The following MYRIP variants were observed in gnomAD, a reference collection of about 807,000 sequenced individuals.
MYRIP encodes the protein rab effector MyRIP.
Under a neutral mutation model 98.0 loss-of-function variants are expected in MYRIP, and 49 were observed. The observed-to-expected ratio is 0.50, with a 90% CI of 0.40 to 0.63. The LOEUF is 0.63. Among genes scored for constraint, MYRIP ranks in the 30% least tolerant of loss-of-function variants. The pLI is 0.00. For synonymous variants in MYRIP, 404 were observed against 409.5 expected, an observed-to-expected ratio of 0.99 and a Z score of 0.16; for missense variants, 1,004 against 1,058.2, an observed-to-expected ratio of 0.95 and a Z score of 0.71.
At chr3:39,812,647 G>A (rs569308065) in intron 1 of MYRIP, among the ~76,000 whole-genome samples, 32 of 152,224 alleles carry the variant, frequency 2.1e-4, no homozygotes, top group Admixed American at 7.2e-4. Context: ...TAAAAAGGAA[G>A]TATTTTGAAT....
intron 3 of MYRIP, among the ~76,000 whole-genome samples, chr3:40,105,858 G>A (rs747528046): frequency 6.6e-5 from 10 of 152,250 alleles, no homozygotes; most frequent in Non-Finnish European, 1.2e-4. Context: ...ACAGCATAGG[G>A]AAACTGCCCC....
At chr3:40,056,628 T>C (rs992114720) in intron 3 of MYRIP, among the ~76,000 whole-genome samples, 2 of 152,228 alleles carry the variant, frequency 1.3e-5, no homozygotes, top group East Asian at 3.8e-4. Context: ...TAAATATGCA[T>C]AATTATACCA....
intron 2 of MYRIP, among the ~76,000 whole-genome samples, chr3:40,025,682 A>G (rs1010758349): frequency 6.6e-6 from 1 of 152,090 alleles, no homozygotes; most frequent in Non-Finnish European, 1.5e-5. Context: ...GAAATTTTAC[A>G]GCTGGGCCAC....
chr3:39,988,459 A>C (rs898730927), intron 2 of MYRIP, among the ~76,000 whole-genome samples: 13 of 151,796 alleles, frequency 8.6e-5, no homozygotes, highest in Non-Finnish European at 1.8e-4. Flanking sequence ...TTTTTCCTTC[A>C]TTTTGACCTT....
intron 15 of MYRIP, among the ~76,000 whole-genome samples, 172 bp downstream of exon 15, chr3:40,250,671 A>G (rs554157130): frequency 2.1e-4 from 32 of 152,362 alleles, no homozygotes; most frequent in Non-Finnish European, 4.1e-4. Flanking sequence ...GGACAAGGAT[A>G]GGAGTGAAAG....
intron 12 of MYRIP, among the ~76,000 whole-genome samples, chr3:40,237,319 T>C (rs1274363113): frequency 6.6e-6 from 1 of 152,138 alleles, no homozygotes; most frequent in Non-Finnish European, 1.5e-5. Flanking sequence ...CTATTGACAT[T>C]TGGATTAGGT....
At position 40,004,103 on chromosome 3, in the gene MYRIP, G is replaced by T. The variant is rs1264257977; in HGVS notation, c.111-39947G>T. ...TTCAATCTAGTGGATTTCAGCACAGGCATGTCTGACTGAGTTCCTGAACCT... is the reference window on the plus strand; with the variant it reads ...TTCAATCTAGTGGATTTCAGCACAGTCATGTCTGACTGAGTTCCTGAACCT... On this transcript the variant is annotated intron_variant, in intron 2 of 16. Coordinates refer to ENST00000302541, the MANE Select transcript of MYRIP (RefSeq NM_015460.4). Among the ~76,000 whole-genome samples, 3 of 152,132 alleles carry T rather than the reference G, an allele frequency of 2.0e-5. No individual in the cohort carries two copies. In the South Asian group the frequency reaches 6.2e-4, roughly 32 times the overall value.
chr3:39,972,745 G>GT (rs1476150823), intron 2 of MYRIP, among the ~76,000 whole-genome samples: 1 of 151,144 alleles, frequency 6.6e-6, no homozygotes, highest in Admixed American at 6.6e-5. Context: ...CCTGCCATTT[G>GT]TTTTTTTTCC....
intron 3 of MYRIP, among the ~76,000 whole-genome samples, chr3:40,135,617 T>G (rs1949747146): frequency 1.3e-5 from 2 of 152,122 alleles, no homozygotes; most frequent in Non-Finnish European, 2.9e-5. Context: ...GAAAAAATGT[T>G]AAGGGCAGCC....
At chr3:40,226,543 G>T (rs757614194) in intron 11 of MYRIP, among the ~76,000 whole-genome samples, 1 of 152,164 alleles carries the variant, frequency 6.6e-6, no homozygotes, top group South Asian at 2.1e-4. Flanking sequence ...GTGGCAGTCA[G>T]AATTACCTTT....
chr3:40,000,178 AT>A (rs1946486244), intron 2 of MYRIP, among the ~76,000 whole-genome samples: 1 of 152,204 alleles, frequency 6.6e-6, no homozygotes, highest in African/African-American at 2.4e-5. Flanking sequence ...AATAAAAAAA[AT>A]TACAATAAAT....
At chr3:39,853,179 C>T (rs528470499) in intron 1 of MYRIP, among the ~76,000 whole-genome samples, 8 of 152,256 alleles carry the variant, frequency 5.3e-5, no homozygotes, top group African/African-American at 1.7e-4. Context: ...AGGCTGGTTC[C>T]GTATTTTTGC....
chr3:39,872,950 C>A (rs1404125263), intron 1 of MYRIP, among the ~76,000 whole-genome samples: 38 of 152,208 alleles, frequency 2.5e-4, no homozygotes, highest in Admixed American at 9.2e-4. Context: ...TTACAGTCCC[C>A]CCAACAGTGT....
At chr3:40,007,386 C>T (rs536835140) in intron 2 of MYRIP, among the ~76,000 whole-genome samples, 7 of 151,604 alleles carry the variant, frequency 4.6e-5, no homozygotes, top group African/African-American at 1.7e-4. Context: ...CTAAAACAGG[C>T]GATCCAATGA....
chr3:39,967,813 T>G (rs1167885655), intron 2 of MYRIP, among the ~76,000 whole-genome samples: 1 of 152,224 alleles, frequency 6.6e-6, no homozygotes, highest in African/African-American at 2.4e-5. Flanking sequence ...GCGGTTTTTA[T>G]TTGCATTTCT....
chr3:39,896,998 T>C (rs150441410), intron 1 of MYRIP, among the ~76,000 whole-genome samples: 5 of 152,340 alleles, frequency 3.3e-5, no homozygotes, highest in African/African-American at 9.6e-5. Flanking sequence ...TAAAGTTGCA[T>C]CCATCATCAG....
intron 2 of MYRIP, among the ~76,000 whole-genome samples, chr3:39,987,065 G>A (rs1384772671): frequency 2.0e-5 from 3 of 152,078 alleles, no homozygotes; most frequent in African/African-American, 7.2e-5. Flanking sequence ...AGGTATATGT[G>A]TGCCATGGTG....
chr3:39,895,462 C>T (rs577108078), intron 1 of MYRIP, among the ~76,000 whole-genome samples: 1 of 152,226 alleles, frequency 6.6e-6, no homozygotes, highest in South Asian at 2.1e-4. Flanking sequence ...TCTGGAATTA[C>T]AAGTGTGAGC....
chr3:40,189,137 G>A (rs1951125341), intron 9 of MYRIP, among the ~76,000 whole-genome samples: 2 of 152,192 alleles, frequency 1.3e-5, no homozygotes, highest in Admixed American at 1.3e-4. Flanking sequence ...GGTAGAGGAT[G>A]CACCTCGTCC....
Sources: allele counts gnomAD v4.1 joint callset (sites outside exome capture counted in the v4.1 genomes callset), GRCh38; gene constraint gnomAD v4.1.1; transcripts MANE v1.5; gene names NCBI Gene and HGNC (gene_info 2026-07-23, HGNC 2026-07-21).